The following FREM1 variants were observed in gnomAD, a reference collection of about 807,000 sequenced individuals.
FREM1 encodes FRAS1 related extracellular matrix 1, also known as FRAS1-related extracellular matrix protein 1.
Under a neutral mutation model 210.1 loss-of-function variants are expected in FREM1, and 220 were observed. The ratio of observed to expected loss-of-function variants is 1.05; its 90% CI spans 0.94 to 1.17. The LOEUF is 1.17. Ranked by LOEUF, FREM1 falls within the 50% of genes most tolerant of loss-of-function variation. The pLI, the probability that FREM1 is intolerant of heterozygous loss-of-function variation, is 0.00. For missense variants in FREM1, 3,454 were observed against 2,675.5 expected, an observed-to-expected ratio of 1.29 and a Z score of -6.42; for synonymous variants, 1,189 against 980.2, an observed-to-expected ratio of 1.21 and a Z score of -3.98.
intron 36 of FREM1, among the ~76,000 whole-genome samples, chr9:14,738,433 A>G (rs1257011013): frequency 1.3e-5 from 2 of 152,174 alleles, no homozygotes; most frequent in African/African-American, 4.8e-5. Flanking sequence ...TTGGTTAGGA[A>G]TGCCCTCCCT....
chr9:14,754,143 G>C (rs973989252), intron 29 of FREM1, among the ~76,000 whole-genome samples: 1 of 152,164 alleles, frequency 6.6e-6, no homozygotes, highest in Non-Finnish European at 1.5e-5. Flanking sequence ...TCCTGATCTT[G>C]TAGCAAACAG....
At chr9:14,811,136 A>G (rs1477646904) in intron 16 of FREM1, among the ~76,000 whole-genome samples, 1 of 152,222 alleles carries the variant, frequency 6.6e-6, no homozygotes. Context: ...AAACGTTAAC[A>G]TTCAAATACC....
At chr9:14,761,208 A>C (rs1334121839) in intron 27 of FREM1, among the ~76,000 whole-genome samples, 1 of 152,148 alleles carries the variant, frequency 6.6e-6, no homozygotes, top group South Asian at 2.1e-4. Flanking sequence ...CACTGTGTCC[A>C]CACTGATCAT....
chr9:14,838,384 T>G (rs534341937), intron 10 of FREM1, among the ~76,000 whole-genome samples: 2 of 152,290 alleles, frequency 1.3e-5, no homozygotes, highest in South Asian at 4.1e-4. Flanking sequence ...TAGATACTTG[T>G]CCAAATTGAG....
intron 2 of FREM1, 148 bp downstream of exon 2, chr9:14,868,596 T>C: frequency 3.2e-6 from 2 of 621,670 alleles, no homozygotes; most frequent in Non-Finnish European, 5.8e-6. Context: ...TAATTGCAAG[T>C]CCACCATTTC....
chr9:14,876,278 G>C (rs1473917320), intron 1 of FREM1, among the ~76,000 whole-genome samples: 2 of 152,226 alleles, frequency 1.3e-5, no homozygotes, highest in African/African-American at 4.8e-5. Flanking sequence ...CCTGCCCCCA[G>C]AGGTGGAGCC....
intron 3 of FREM1, among the ~76,000 whole-genome samples, chr9:14,860,580 T>TACAC (rs1188000826): frequency 7.2e-6 from 1 of 138,502 alleles, no homozygotes; most frequent in Admixed American, 7.3e-5. Context: ...CACATATATA[T>TACAC]ACACATATAT....
chr9:14,755,530 G>A (rs1227639944), intron 29 of FREM1, among the ~76,000 whole-genome samples: 2 of 152,106 alleles, frequency 1.3e-5, no homozygotes, highest in African/African-American at 4.8e-5. Context: ...CAAACCCCAG[G>A]GAAATAGAGA....
intron 1 of FREM1, among the ~76,000 whole-genome samples, chr9:14,885,667 C>A (rs1350975258): frequency 2.0e-5 from 3 of 152,150 alleles, no homozygotes; most frequent in Admixed American, 1.3e-4. Context: ...AGCTATTCTT[C>A]CATCTTAGCC....
At chr9:14,777,097 C>T (rs1848734837) in intron 24 of FREM1, among the ~76,000 whole-genome samples, 1 of 152,144 alleles carries the variant, frequency 6.6e-6, no homozygotes, top group Non-Finnish European at 1.5e-5. Flanking sequence ...TAGCAATCCA[C>T]CACAAAAGAG....
chr9:14,784,777 A>T (rs1259159549), intron 23 of FREM1, 143 bp from the exon 24 acceptor site: 1 of 496,412 alleles, frequency 2.0e-6, no homozygotes, highest in East Asian at 3.3e-5. Context: ...TTATGAATAA[A>T]AATAATTAAC....
intron 25 of FREM1, among the ~76,000 whole-genome samples, chr9:14,775,194 T>C (rs1252336527): frequency 1.3e-5 from 2 of 152,192 alleles, no homozygotes; most frequent in Non-Finnish European, 2.9e-5. Context: ...AAAGAACTCT[T>C]TAAGGTCAGA....
chr9:14,879,315 GAGGAGGTT>G (rs1416937390), intron 1 of FREM1, among the ~76,000 whole-genome samples: 1 of 41,834 alleles, frequency 2.4e-5, no homozygotes, highest in Non-Finnish European at 3.6e-5. Flanking sequence ...CACTGAGGTT[GAGGAGGTT>G]GAGATTCTTG....
At chr9:14,854,604 G>A (rs145312058) in intron 5 of FREM1, among the ~76,000 whole-genome samples, 1 of 151,766 alleles carries the variant, frequency 6.6e-6, no homozygotes, top group East Asian at 1.9e-4. Flanking sequence ...AAAATAAGAA[G>A]AATAATTACA....
chr9:14,739,160 G>C (rs929555578), intron 36 of FREM1, among the ~76,000 whole-genome samples: 13 of 151,710 alleles, frequency 8.6e-5, no homozygotes, highest in Admixed American at 8.5e-4. Flanking sequence ...CTGGAATGCA[G>C]TGGCACAATC....
chr9:14,812,942 G>C lies in FREM1; in HGVS notation c.2763C>G (p.Ser921Arg), dbSNP rs370635076. The part of the protein sequence containing the change: ...SEYIFATDVD[S>R]DNLKLMFVIA... ...TCACAAACATCAACTTCAAGTTATCGCTGTCCACATCAGTAGCAAAAATGT... is the reference window on the plus strand; with the variant it reads ...TCACAAACATCAACTTCAAGTTATCCCTGTCCACATCAGTAGCAAAAATGT... The change falls in exon 16 of 37, where the codon AGC becomes AGG. Residue 921 changes from serine (S) to arginine (R), a missense_variant. Transcript: ENST00000380880. 21 of 1,613,758 alleles carry C rather than the reference G, an allele frequency of 1.3e-5. No homozygotes were observed. In the African/African-American group the frequency reaches 2.4e-4, roughly 18 times the overall value.
chr9:14,866,136 T>C (rs956198235), intron 2 of FREM1, among the ~76,000 whole-genome samples: 10 of 152,318 alleles, frequency 6.6e-5, no homozygotes, highest in African/African-American at 1.9e-4. Context: ...GGAATCAGTA[T>C]ATTCAGAGGT....
chr9:14,867,827 G>C (rs970978587), intron 2 of FREM1, among the ~76,000 whole-genome samples: 2 of 152,176 alleles, frequency 1.3e-5, no homozygotes, highest in Non-Finnish European at 2.9e-5. Context: ...TTACAGGACA[G>C]TGGGAACAAG....
At chr9:14,770,887 T>G in intron 25 of FREM1, 81 bp from the exon 26 acceptor site, 1 of 957,260 alleles carries the variant, frequency 1.0e-6, no homozygotes, top group Non-Finnish European at 1.6e-6. Context: ...GGTTCAACAA[T>G]GACACACTGT....
Sources: gnomAD v4.1 joint callset for allele counts (sites outside exome capture counted in the v4.1 genomes callset) on GRCh38, gnomAD v4.1.1 for gene constraint, MANE v1.5 for transcripts, NCBI Gene and HGNC (gene_info 2026-07-23, HGNC 2026-07-21) for gene names.